GPHN: variants seen among roughly 807,000 people sequenced by gnomAD.
GPHN encodes the protein gephyrin.
A neutral mutation model predicts 95.5 loss-of-function variants in GPHN; 17 were observed. That is an observed-to-expected ratio of 0.18 (90% confidence interval 0.12 to 0.27). The LOEUF is 0.27. Ranked by LOEUF, GPHN falls within the 10% of genes least tolerant of loss-of-function variation. The pLI is 1.00. For missense variants in GPHN, 660 were observed against 978.1 expected, an observed-to-expected ratio of 0.67 and a Z score of 4.34; for synonymous variants, 320 against 322.5, an observed-to-expected ratio of 0.99 and a Z score of 0.08.
the GPHN span, among the ~76,000 whole-genome samples, chr14:67,475,968 C>T: frequency 6.6e-6 from 1 of 152,246 alleles, no homozygotes; most frequent in Non-Finnish European, 1.5e-5. Context: ...CAGGCCCGTC[C>T]TGGGCAGGCC....
the GPHN span, among the ~76,000 whole-genome samples, chr14:67,524,901 A>G: frequency 6.6e-6 from 1 of 152,236 alleles, no homozygotes; most frequent in African/African-American, 2.4e-5. Context: ...TAATGAAGGG[A>G]AAGGAGGCAG....
the GPHN span, chr14:67,663,274 T>C: frequency 1.0e-6 from 1 of 953,698 alleles, no homozygotes. Context: ...TTTCTGATAG[T>C]TTATACTACA....
chr14:67,493,125 G>C, the GPHN span, among the ~76,000 whole-genome samples: 9 of 152,186 alleles, frequency 5.9e-5, no homozygotes, highest in African/African-American at 2.2e-4. Flanking sequence ...CCTGAAGTAG[G>C]AGAAAGTTAG....
chr14:66,845,660 G>A (rs2062292661), intron 4 of GPHN, among the ~76,000 whole-genome samples: 1 of 152,086 alleles, frequency 6.6e-6, no homozygotes, highest in African/African-American at 2.4e-5. Flanking sequence ...ACCAGCAATG[G>A]GAACAGGAAT....
chr14:67,562,035 G>A, the GPHN span: 1 of 1,613,670 alleles, frequency 6.2e-7, no homozygotes, highest in Non-Finnish European at 8.5e-7. Context: ...TGCGCTAGAA[G>A]GTAGGCAGGC....
intron 8 of GPHN, among the ~76,000 whole-genome samples, chr14:66,947,046 T>C (rs1359797289): frequency 3.9e-5 from 6 of 152,244 alleles, no homozygotes; most frequent in Non-Finnish European, 7.3e-5. Flanking sequence ...TGGATTCTTA[T>C]CACATTCATT....
At position 66,595,469 on chromosome 14, in the gene GPHN, C is replaced by T. The variant is rs559821177; in HGVS notation, c.65-85638C>T. Reference sequence around the variant, plus strand: ...TCTGCCTACTCTGCCTGGCAGGATACACTCTGCTCGCACTAACAGCCTGCC... The same window carrying T: ...TCTGCCTACTCTGCCTGGCAGGATATACTCTGCTCGCACTAACAGCCTGCC... On this transcript the variant is annotated intron_variant, in intron 1 of 22. Coordinates refer to ENST00000478722, the MANE Select transcript of GPHN (RefSeq NM_020806.5). Among the ~76,000 whole-genome samples, 15 of 152,264 alleles carry T rather than the reference C, an allele frequency of 9.9e-5. No homozygotes were observed. The East Asian group carries it at 2.5e-3, about 25-fold the overall frequency.
the GPHN span, among the ~76,000 whole-genome samples, chr14:67,607,731 G>A: frequency 6.6e-6 from 1 of 152,176 alleles, no homozygotes. Context: ...GAGCACTCTT[G>A]GGAGGATATC....
At chr14:67,421,302 C>T in the GPHN span, among the ~76,000 whole-genome samples, 2 of 152,098 alleles carry the variant, frequency 1.3e-5, no homozygotes, top group African/African-American at 4.8e-5. Flanking sequence ...ATGGTAAATC[C>T]ATGAAAATGT....
At chr14:67,728,745 C>T in the GPHN span, among the ~76,000 whole-genome samples, 1 of 151,294 alleles carries the variant, frequency 6.6e-6, no homozygotes, top group Non-Finnish European at 1.5e-5. Context: ...ATCACCATCC[C>T]TCAATCTATA....
the GPHN span, among the ~76,000 whole-genome samples, chr14:67,243,470 G>A: frequency 1.4e-5 from 2 of 146,762 alleles, no homozygotes; most frequent in Admixed American, 7.0e-5. Flanking sequence ...TTACAGGCGT[G>A]AGCCACCGCC....
chr14:67,606,293 A>T, the GPHN span, among the ~76,000 whole-genome samples: 1 of 152,226 alleles, frequency 6.6e-6, no homozygotes, highest in African/African-American at 2.4e-5. Flanking sequence ...GTGGATTTCT[A>T]GAACAGTAGA....
chr14:67,331,494 G>C, the GPHN span, among the ~76,000 whole-genome samples: 1 of 152,046 alleles, frequency 6.6e-6, no homozygotes, highest in African/African-American at 2.4e-5. Flanking sequence ...CTGAATCTCT[G>C]AATCTGTTCT....
chr14:67,558,114 A>G, the GPHN span, among the ~76,000 whole-genome samples: 1 of 152,046 alleles, frequency 6.6e-6, no homozygotes, highest in Non-Finnish European at 1.5e-5. Flanking sequence ...TGGAACATCT[A>G]CCTGCCAGTT....
At chr14:67,364,455 GAGGTATTCCTTTAATCCTT>G in the GPHN span, 2 of 237,828 alleles carry the variant, frequency 8.4e-6, no homozygotes, top group Non-Finnish European at 1.7e-5. Context: ...TTTTACTCTT[GAGGTATTCCTTTAATCCTT>G]AGGTCTTGGA....
chr14:67,001,856 A>G (rs557112600), intron 9 of GPHN, among the ~76,000 whole-genome samples: 2 of 151,810 alleles, frequency 1.3e-5, no homozygotes, highest in East Asian at 3.9e-4. Flanking sequence ...CACCAATCCT[A>G]GTGTAATTTT....
chr14:66,848,145 T>A (rs570555676), intron 4 of GPHN, among the ~76,000 whole-genome samples: 11 of 152,224 alleles, frequency 7.2e-5, no homozygotes, highest in African/African-American at 2.6e-4. Flanking sequence ...TCTTATAATA[T>A]TTAGTACTTA....
chr14:67,188,786 C>G, the GPHN span, among the ~76,000 whole-genome samples: 1 of 150,840 alleles, frequency 6.6e-6, no homozygotes, highest in Middle Eastern at 3.4e-3. Context: ...TCCTTCCTTC[C>G]TTCCTTCCTT....
the GPHN span, chr14:67,645,541 T>C: frequency 7.3e-7 from 1 of 1,362,038 alleles, no homozygotes; most frequent in East Asian, 2.3e-5. Flanking sequence ...AGGCCCTGGC[T>C]TTGCACTGTG....
Sources: gnomAD v4.1 joint callset for allele counts (sites outside exome capture counted in the v4.1 genomes callset) on GRCh38, gnomAD v4.1.1 for gene constraint, MANE v1.5 for transcripts, NCBI Gene and HGNC (gene_info 2026-07-23, HGNC 2026-07-21) for gene names.